STAP1: variants seen among roughly 807,000 people sequenced by gnomAD.
STAP1 encodes the protein signal transducing adaptor family member 1, also known as signal-transducing adaptor protein 1.
Under a neutral mutation model 37.8 loss-of-function variants are expected in STAP1, and 30 were observed. That is an observed-to-expected ratio of 0.79 (90% CI 0.59 to 1.08). STAP1 has a LOEUF of 1.08. Ranked by LOEUF, STAP1 falls within the 50% of genes least tolerant of loss-of-function variation. STAP1 has a pLI of 0.00. For synonymous variants in STAP1, 130 were observed against 116.0 expected (o/e 1.12, Z -0.78); for missense variants, 357 against 349.4 (o/e 1.02, Z -0.17).
rs1728454437 is a variant in STAP1, at chr4:67,606,595, C to T, written c.*238C>T. 8.1e-6 allele frequency: 3 copies of T among 371,718 alleles called. No individual in the cohort carries two copies. The highest frequency in any genetic ancestry group is 2.1e-5 in the African/African-American group (1 of 47,652). The allele number at this position is 371,718 out of a possible 1,614,324, so 23.0% of individuals were successfully genotyped here. On this transcript the variant is annotated 3_prime_UTR_variant, in exon 9 of 9. Transcript: ENST00000265404. ...GTGGTAACCTGCAGATATACACATTCCCATGCACTGACATAAGTTGAAAAC... is the reference window on the plus strand; with the variant it reads ...GTGGTAACCTGCAGATATACACATTTCCATGCACTGACATAAGTTGAAAAC...
In STAP1 at chr4:67,606,418, T is replaced by C. The variant is rs1577775425; in HGVS notation, c.*61T>C. The C allele has an allele frequency of 1.4e-6, 2 of 1,468,088 alleles. No homozygotes were observed. The highest frequency in any genetic ancestry group is 2.4e-5 in the East Asian group (1 of 42,124). The allele number at this position is 1,468,088 out of a possible 1,614,324, so 90.9% of individuals were successfully genotyped here. Reference sequence around the variant, plus strand: ...ATTTATATTTTCAAAACGAAGTTCTTACTTTTAAAGAGAATTACCTATATT... The same window carrying C: ...ATTTATATTTTCAAAACGAAGTTCTCACTTTTAAAGAGAATTACCTATATT... On this transcript the variant is annotated 3_prime_UTR_variant, in exon 9 of 9. Transcript: ENST00000265404.
intron 3 of STAP1, 104 bp from the exon 4 acceptor site, chr4:67,577,099 A>G: frequency 9.6e-7 from 1 of 1,046,542 alleles, no homozygotes; most frequent in Non-Finnish European, 1.4e-6. Context: ...AGCCAAAAAA[A>G]GAAAATGAAT....
intron 6 of STAP1, among the ~76,000 whole-genome samples, chr4:67,590,507 A>C (rs922662481): frequency 4.6e-5 from 7 of 152,290 alleles, no homozygotes; most frequent in African/African-American, 1.7e-4. Flanking sequence ...AATATGGAGA[A>C]TATATATTTG....
At chr4:67,592,504 A>C (rs1283977643) in intron 7 of STAP1, among the ~76,000 whole-genome samples, 2 of 152,204 alleles carry the variant, frequency 1.3e-5, no homozygotes, top group African/African-American at 4.8e-5. Flanking sequence ...TAACTTAAGA[A>C]AAAATAAATT....
chr4:67,573,614 A>G (rs1233153684), intron 2 of STAP1, among the ~76,000 whole-genome samples: 1 of 152,158 alleles, frequency 6.6e-6, no homozygotes, highest in Non-Finnish European at 1.5e-5. Flanking sequence ...TTTTGAATGT[A>G]TTTATTTTTA....
In STAP1 at chr4:67,571,165, T is replaced by C. The variant is rs13111555; in HGVS notation, c.192+10T>C. The C allele has an allele frequency of 0.86, 1,352,898 of 1,572,910 alleles. 590,686 individuals are homozygous for C. Among genetic ancestry groups the C allele is most frequent in the Non-Finnish European group, 0.9 (1,030,390 of 1,143,442 alleles). On this transcript the variant is annotated intron_variant, in intron 2 of 8. Coordinates refer to ENST00000265404, the MANE Select transcript of STAP1 (RefSeq NM_012108.4). The stretch of plus-strand genomic sequence containing the variant: ...CAAAAAGAGTATAATAGTAAGTAAA[T>C]ATGTTGAGCTGATTCCATTGTTTCC...
chr4:67,589,454 A>G (rs1728074752), intron 6 of STAP1, among the ~76,000 whole-genome samples: 1 of 152,204 alleles, frequency 6.6e-6, no homozygotes, highest in African/African-American at 2.4e-5. Flanking sequence ...AGTCCCCTGA[A>G]TAGAAGACTT....
intron 8 of STAP1, among the ~76,000 whole-genome samples, chr4:67,599,407 G>A (rs1408900233): frequency 6.6e-6 from 1 of 151,616 alleles, no homozygotes; most frequent in East Asian, 1.9e-4. Flanking sequence ...GCCTATTCAG[G>A]TTTTGGATTT....
At chr4:67,561,122 G>A (rs1024088556) in intron 1 of STAP1, among the ~76,000 whole-genome samples, 5 of 152,104 alleles carry the variant, frequency 3.3e-5, no homozygotes, top group Non-Finnish European at 7.4e-5. Flanking sequence ...TCTTATTCAG[G>A]TACTAAAATT....
intron 6 of STAP1, among the ~76,000 whole-genome samples, chr4:67,584,116 A>AAAAG (rs1553901804): frequency 7.5e-6 from 1 of 134,096 alleles, no homozygotes; most frequent in Non-Finnish European, 1.6e-5. Flanking sequence ...AAAAAAAAAA[A>AAAAG]GAACACAAGA....
intron 1 of STAP1, among the ~76,000 whole-genome samples, chr4:67,562,688 C>T (rs995464206): frequency 6.6e-6 from 1 of 151,442 alleles, no homozygotes; most frequent in Admixed American, 6.6e-5. Flanking sequence ...AGGAGAATGG[C>T]GTGAACCCAG....
intron 2 of STAP1, among the ~76,000 whole-genome samples, chr4:67,574,350 TTTA>T (rs1250068817): frequency 1.3e-5 from 2 of 152,234 alleles, no homozygotes; most frequent in South Asian, 2.1e-4. Flanking sequence ...CCATAATAAA[TTTA>T]TTATCATTAA....
Position 67,594,926 on chromosome 4 carries a change from G to A in STAP1, c.826+1570G>A, listed in dbSNP as rs115018637. Among the ~76,000 whole-genome samples, 970 of 152,094 alleles carry A rather than the reference G, an allele frequency of 6.4e-3. 15 individuals are homozygous for A. The highest frequency in any genetic ancestry group is 0.022 in the African/African-American group (923 of 41,498). The stretch of plus-strand genomic sequence containing the variant: ...ATGCTTGTTTTGAGAGCTCTGAACC[G>A]ATACAAGCTTTTTGTGTGTGTGCAT... On this transcript the variant is annotated intron_variant, in intron 8 of 8. Transcript: ENST00000265404.
intron 4 of STAP1, 113 bp downstream of exon 4, chr4:67,577,372 A>G: frequency 1.2e-6 from 1 of 850,958 alleles, no homozygotes; most frequent in Non-Finnish European, 1.8e-6. Flanking sequence ...ATTGAAAAAG[A>G]TAGACCTAAA....
At chr4:67,584,680 C>T (rs1421272543) in intron 6 of STAP1, among the ~76,000 whole-genome samples, 2 of 145,620 alleles carry the variant, frequency 1.4e-5, no homozygotes, top group East Asian at 4.1e-4. Flanking sequence ...AATGTGTATG[C>T]CTTGAGATAG....
In STAP1 at chr4:67,563,939, T is replaced by TA. The variant is rs35320647; in HGVS notation, c.120+5025dup. ...TCAATGATTTCACACAAACGATTGT[T>TA]AAAAAAAAAAAAAAAGAAATTTGTG... On this transcript the variant is annotated intron_variant, in intron 1 of 8. Coordinates refer to ENST00000265404, the MANE Select transcript of STAP1 (RefSeq NM_012108.4). Among the ~76,000 whole-genome samples the TA allele has an allele frequency of 3.0e-3, 436 of 146,036 alleles. 3 individuals are homozygous for TA. Among genetic ancestry groups the TA allele is most frequent in the South Asian group, 0.014 (63 of 4,590 alleles).
chr4:67,567,843 G>A (rs968094037), intron 1 of STAP1, among the ~76,000 whole-genome samples: 3 of 152,192 alleles, frequency 2.0e-5, no homozygotes, highest in Non-Finnish European at 4.4e-5. Context: ...AAGTAAGTGA[G>A]GCCACCTTAG....
At chr4:67,569,956 C>T (rs1287543856) in intron 1 of STAP1, among the ~76,000 whole-genome samples, 1 of 152,080 alleles carries the variant, frequency 6.6e-6, no homozygotes, top group African/African-American at 2.4e-5. Flanking sequence ...GTCTGGAACT[C>T]CTGGCCTCAA....
At chr4:67,569,768 C>T (rs1182257194) in intron 1 of STAP1, among the ~76,000 whole-genome samples, 2 of 152,072 alleles carry the variant, frequency 1.3e-5, no homozygotes, top group African/African-American at 2.4e-5. Flanking sequence ...CTCGCTCTGT[C>T]GCCCAGGCTG....
Sources: gnomAD v4.1 joint callset for allele counts (sites outside exome capture counted in the v4.1 genomes callset) on GRCh38, gnomAD v4.1.1 for gene constraint, MANE v1.5 for transcripts, NCBI Gene and HGNC (gene_info 2026-07-23, HGNC 2026-07-21) for gene names.